RBPJ: variants seen among roughly 807,000 people sequenced by gnomAD.
The protein encoded by RBPJ is recombining binding protein suppressor of hairless.
A neutral mutation model predicts 67.8 loss-of-function variants in RBPJ; 9 were observed. That is an observed-to-expected ratio of 0.13 (90% CI 0.08 to 0.23). The LOEUF (loss-of-function observed/expected upper bound fraction) is 0.23, where lower values mean the gene tolerates loss of function less well. RBPJ is among the 10% of genes least tolerant of loss of function. The pLI is 1.00. For synonymous variants in RBPJ, 198 were observed against 203.3 expected, an observed-to-expected ratio of 0.97 and a Z score of 0.22; for missense variants, 305 against 595.6, an observed-to-expected ratio of 0.51 and a Z score of 5.08.
chr4:26,186,548 G>A (rs1717269154), intron 1 of RBPJ, among the ~76,000 whole-genome samples: 1 of 152,110 alleles, frequency 6.6e-6, no homozygotes, highest in Non-Finnish European at 1.5e-5. Context: ...GTGCCTGAGC[G>A]AGACCCTCTG....
chr4:26,425,880 A>G (rs1390566014), intron 7 of RBPJ, among the ~76,000 whole-genome samples: 4 of 151,466 alleles, frequency 2.6e-5, no homozygotes, highest in Non-Finnish European at 5.9e-5. Context: ...CCACTGGCTT[A>G]TATTTTCTGG....
intron 3 of RBPJ, among the ~76,000 whole-genome samples, chr4:26,411,903 C>G (rs999903016): frequency 7.3e-5 from 11 of 150,384 alleles, no homozygotes; most frequent in Admixed American, 2.6e-4. Flanking sequence ...GTCAGGAGAT[C>G]GAGACCATCC....
At chr4:26,266,515 C>T (rs1390883700) in intron 1 of RBPJ, among the ~76,000 whole-genome samples, 1 of 152,160 alleles carries the variant, frequency 6.6e-6, no homozygotes, top group Non-Finnish European at 1.5e-5. Flanking sequence ...AGATTCTTCT[C>T]TGTGGCCTTT....
At chr4:26,170,427 G>A (rs1312475291) in intron 1 of RBPJ, among the ~76,000 whole-genome samples, 1 of 151,962 alleles carries the variant, frequency 6.6e-6, no homozygotes, top group Admixed American at 6.6e-5. Context: ...TGAAGTCCCA[G>A]CTACTTGGGA....
chr4:26,299,134 G>A (rs1036164762), intron 1 of RBPJ, among the ~76,000 whole-genome samples: 1 of 152,064 alleles, frequency 6.6e-6, no homozygotes, highest in African/African-American at 2.4e-5. Context: ...TTGGGGTCAG[G>A]GCAGAGCCAA....
At chr4:26,299,672 C>CTTTTTT (rs397879662) in intron 1 of RBPJ, among the ~76,000 whole-genome samples, 7 of 85,306 alleles carry the variant, frequency 8.2e-5, no homozygotes, top group Non-Finnish European at 1.1e-4. Context: ...AGACTGTGTG[C>CTTTTTT]TTTTTTTTTT....
chr4:26,130,754 T>C, the RBPJ span, among the ~76,000 whole-genome samples: 7 of 152,244 alleles, frequency 4.6e-5, no homozygotes, highest in Non-Finnish European at 8.8e-5. Flanking sequence ...ATTATGTTTC[T>C]TTTTATCTCA....
chr4:26,286,250 G>A (rs953303100), intron 1 of RBPJ, among the ~76,000 whole-genome samples: 2 of 151,566 alleles, frequency 1.3e-5, no homozygotes, highest in African/African-American at 4.9e-5. Flanking sequence ...TGGCCAAAGC[G>A]GAAGGATCGC....
At chr4:26,140,796 TG>T in the RBPJ span, among the ~76,000 whole-genome samples, 6 of 150,078 alleles carry the variant, frequency 4.0e-5, no homozygotes, top group Non-Finnish European at 8.9e-5. Flanking sequence ...CAGGGAGAAG[TG>T]GATGCCCGAG....
intron 1 of RBPJ, among the ~76,000 whole-genome samples, chr4:26,232,453 A>G (rs1179001485): frequency 6.6e-6 from 1 of 150,540 alleles, no homozygotes; most frequent in Non-Finnish European, 1.5e-5. Context: ...TCCTGGCCTC[A>G]AGCAATCCAC....
At position 26,367,834 on chromosome 4, in the gene RBPJ, T is replaced by C. The variant is rs149027059; in HGVS notation, c.21-18519T>C. 22 of 152,364 alleles carry C rather than the reference T, an allele frequency of 1.4e-4. No homozygotes were observed. In the East Asian group the frequency reaches 3.3e-3, roughly 23 times the overall value. 9.4% of individuals were successfully genotyped at this position (152,364 alleles called of 1,614,324 possible). A position where few individuals can be genotyped will look rare whatever the true frequency, so the allele number is the denominator to read the frequency against. On this transcript the variant is annotated intron_variant, in intron 1 of 10. Coordinates refer to ENST00000355476, the MANE Select transcript of RBPJ (RefSeq NM_015874.6). Reference sequence around the variant, plus strand: ...AAGCAGGGTGGTATCAGCATATGTATATTTTAAGATTGTCTAAAATATAGT... The same window carrying C: ...AAGCAGGGTGGTATCAGCATATGTACATTTTAAGATTGTCTAAAATATAGT...
chr4:26,404,593 A>T (rs1025535820), intron 2 of RBPJ, among the ~76,000 whole-genome samples: 2 of 152,210 alleles, frequency 1.3e-5, no homozygotes, highest in Admixed American at 6.5e-5. Context: ...TGGGCATGAC[A>T]ATCAAAATGG....
At chr4:26,239,160 A>G (rs1406537942) in intron 1 of RBPJ, among the ~76,000 whole-genome samples, 1 of 152,064 alleles carries the variant, frequency 6.6e-6, no homozygotes, top group Non-Finnish European at 1.5e-5. Flanking sequence ...GATCAGCCAT[A>G]TAGAAATTTA....
At position 26,424,268 on chromosome 4, in the gene RBPJ, C is replaced by T; in HGVS notation, c.497-74C>T. 7.2e-7 allele frequency: 1 copy of T among 1,390,910 alleles called. No individual in the cohort carries two copies. Among genetic ancestry groups the T allele is most frequent in the Non-Finnish European group, 1.0e-6 (1 of 995,248 alleles). The allele number at this position is 1,390,910 out of a possible 1,614,324, so 86.2% of individuals were successfully genotyped here. The stretch of plus-strand genomic sequence containing the variant: ...GAAAGAATAATTATACACTGCCAAG[C>T]AGAATTTCCTTCTTTTGCTCCCTCC... On this transcript the variant is annotated intron_variant, in intron 5 of 10. Coordinates refer to ENST00000355476, the MANE Select transcript of RBPJ (RefSeq NM_015874.6). The surrounding 1 kb of genome is among the most constrained non-coding windows in gnomAD (Gnocchi z 5.3).
chr4:26,263,773 T>C (rs770068724), intron 1 of RBPJ, among the ~76,000 whole-genome samples: 3 of 152,040 alleles, frequency 2.0e-5, no homozygotes, highest in Non-Finnish European at 4.4e-5. Flanking sequence ...GGTTTCACCA[T>C]ATTGGCCGGG....
chr4:26,218,435 C>T (rs1718789221), intron 1 of RBPJ, among the ~76,000 whole-genome samples: 1 of 152,130 alleles, frequency 6.6e-6, no homozygotes, highest in Non-Finnish European at 1.5e-5. Context: ...CATCCCATCC[C>T]CTCTACCCCC....
intron 1 of RBPJ, among the ~76,000 whole-genome samples, chr4:26,352,843 G>A (rs80131004): frequency 0.024 from 3,642 of 152,312 alleles, 122 homozygotes; most frequent in African/African-American, 0.072. Flanking sequence ...TGTAAGTTCT[G>A]GGAGGACATT....
intron 1 of RBPJ, among the ~76,000 whole-genome samples, chr4:26,190,768 A>G (rs974022335): frequency 6.6e-6 from 1 of 152,132 alleles, no homozygotes; most frequent in Admixed American, 6.5e-5. Flanking sequence ...GCTGTCAATC[A>G]ATGCCTGTTG....
intron 1 of RBPJ, among the ~76,000 whole-genome samples, chr4:26,325,341 A>G (rs1384157978): frequency 6.6e-6 from 1 of 152,184 alleles, no homozygotes; most frequent in Non-Finnish European, 1.5e-5. Flanking sequence ...CAGTCTTTCT[A>G]AAGAGCAAAT....
Sources: gnomAD v4.1 joint callset for allele counts (sites outside exome capture counted in the v4.1 genomes callset) on GRCh38, gnomAD v4.1.1 for gene constraint, Gnocchi (gnomAD v3.1) non-coding constraint, MANE v1.5 for transcripts, NCBI Gene and HGNC (gene_info 2026-07-23, HGNC 2026-07-21) for gene names.